Variants in HOXB7 observed in about 807,000 individuals in gnomAD.
HOXB7 encodes the protein homeobox B7.
HOXB7 carries 11 observed loss-of-function variants against 19.2 expected under a neutral mutation model. The observed-to-expected ratio is 0.57, with a 90% CI of 0.36 to 0.95. The LOEUF (loss-of-function observed/expected upper bound fraction) is 0.95, where lower values mean the gene tolerates loss of function less well. HOXB7 is among the 40% of genes least tolerant of loss of function. The pLI is 0.01. For missense variants in HOXB7, 318 were observed against 301.1 expected (o/e 1.06, Z -0.42); for synonymous variants, 141 against 130.2 (o/e 1.08, Z -0.56).
Position 48,608,022 on chromosome 17 carries a change from G to A in HOXB7, c.474C>T (p.Tyr158=), listed in dbSNP as rs2070604216. ...QTLELEKEFH[Y]NRYLTRRRRI... ...GCCGCCGCCGCGTCAGGTAGCGATT[G>A]TAGTGAAATTCTTTCTCCAGCTCCA... Residue 158 remains tyrosine, a synonymous_variant, in exon 2 of 2, where the codon TAC becomes TAT. Transcript: ENST00000239165. 3 of 1,614,214 alleles carry A rather than the reference G, an allele frequency of 1.9e-6. No homozygotes were observed. Among genetic ancestry groups the A allele is most frequent in the Non-Finnish European group, 1.7e-6 (2 of 1,180,044 alleles).
At chr17:48,609,334 G>C (rs1027390487) in intron 1 of HOXB7, among the ~76,000 whole-genome samples, 1 of 152,246 alleles carries the variant, frequency 6.6e-6, no homozygotes, top group African/African-American at 2.4e-5. Context: ...TCAGATAAAA[G>C]CCAAGCTGAA....
chr17:48,610,344 T>G (rs2070630452), intron 1 of HOXB7, among the ~76,000 whole-genome samples, 175 bp downstream of exon 1: 1 of 148,784 alleles, frequency 6.7e-6, no homozygotes, highest in Non-Finnish European at 1.5e-5. Context: ...ACCGAGCAAA[T>G]ATGGGGGCGG....
In HOXB7 at chr17:48,607,798, C is replaced by G; in HGVS notation, c.*44G>C. ...CAGTTCCCAGAGCTGGGCTTCTCTT[C>G]CTCTCCCTTTCTCATGTCTCTTCCT... On this transcript the variant is annotated 3_prime_UTR_variant, in exon 2 of 2. Coordinates refer to ENST00000239165, the MANE Select transcript of HOXB7 (RefSeq NM_004502.4). The G allele has an allele frequency of 6.1e-6, 9 of 1,471,274 alleles. No homozygotes were observed. Among genetic ancestry groups the G allele is most frequent in the Non-Finnish European group, 6.6e-6 (7 of 1,061,254 alleles). The allele number at this position is 1,471,274 out of a possible 1,614,324, so 91.1% of individuals were successfully genotyped here.
rs1022841662 is a variant in HOXB7 at position 48,607,624 on chromosome 17, T to C, written c.*218A>G. 11 of 517,852 alleles carry C rather than the reference T, an allele frequency of 2.1e-5. No individual in the cohort carries two copies. The African/African-American group carries it at 2.1e-4, about 10-fold the overall frequency. 32.1% of individuals were successfully genotyped at this position (517,852 alleles called of 1,614,324 possible). Reference sequence around the variant, plus strand: ...TGACAGACTTTCCTATAGGTAGTATTTTTTCAGTGTTGAAAAACCAAAATT... The same window carrying C: ...TGACAGACTTTCCTATAGGTAGTATCTTTTCAGTGTTGAAAAACCAAAATT... On this transcript the variant is annotated 3_prime_UTR_variant, in exon 2 of 2. Coordinates refer to ENST00000239165, the MANE Select transcript of HOXB7 (RefSeq NM_004502.4).
intron 1 of HOXB7, 135 bp downstream of exon 1, chr17:48,610,384 G>T: frequency 1.2e-6 from 1 of 832,218 alleles, no homozygotes; most frequent in Non-Finnish European, 1.7e-6. Context: ...GGCCCAGTGG[G>T]TGCAGCCTTC....
intron 1 of HOXB7, 69 bp downstream of exon 1, chr17:48,610,450 G>A: frequency 7.4e-7 from 1 of 1,349,824 alleles, no homozygotes; most frequent in Non-Finnish European, 9.6e-7. Context: ...GCCCAGCCGG[G>A]AAGGAGGCGC....
chr17:48,607,709 T>G lies in HOXB7; in HGVS notation c.*133A>C. 1 of 689,400 alleles carries G rather than the reference T, an allele frequency of 1.5e-6. No individual in the cohort carries two copies. Among genetic ancestry groups the G allele is most frequent in the East Asian group, 3.0e-5 (1 of 33,656 alleles). The allele number at this position is 689,400 out of a possible 1,614,324, so 42.7% of individuals were successfully genotyped here. On this transcript the variant is annotated 3_prime_UTR_variant, in exon 2 of 2. Coordinates refer to ENST00000239165, the MANE Select transcript of HOXB7 (RefSeq NM_004502.4). ...CTCCTTTCATTTAAATAGGGTTTTT[T>G]TTTTGTTTTTTTTGTTTTTTGTTTT... is the stretch of plus-strand genomic sequence containing the variant.
chr17:48,610,376 C>G (rs919069567), intron 1 of HOXB7, 143 bp downstream of exon 1: 3 of 705,752 alleles, frequency 4.3e-6, no homozygotes, highest in Non-Finnish European at 6.2e-6. Flanking sequence ...TGGGTCGCGG[C>G]CCAGTGGGTG....
At chr17:48,608,913 G>A (rs1313061831) in intron 1 of HOXB7, among the ~76,000 whole-genome samples, 1 of 152,230 alleles carries the variant, frequency 6.6e-6, no homozygotes, top group African/African-American at 2.4e-5. Flanking sequence ...AGACAAAGGG[G>A]CCTCAAAGGC....
rs2070597516 is a variant in HOXB7, at chr17:48,607,710, T to G, written c.*132A>C. 3 of 695,698 alleles carry G rather than the reference T, an allele frequency of 4.3e-6. No homozygotes were observed. Among genetic ancestry groups the G allele is most frequent in the Non-Finnish European group, 6.5e-6 (3 of 458,202 alleles). 43.1% of individuals were successfully genotyped at this position (695,698 alleles called of 1,614,324 possible). On this transcript the variant is annotated 3_prime_UTR_variant, in exon 2 of 2. Transcript: ENST00000239165. ...TCCTTTCATTTAAATAGGGTTTTTTTTTTGTTTTTTTTGTTTTTTGTTTTG... is the reference window on the plus strand; with the variant it reads ...TCCTTTCATTTAAATAGGGTTTTTTGTTTGTTTTTTTTGTTTTTTGTTTTG...
intron 1 of HOXB7, among the ~76,000 whole-genome samples, 186 bp downstream of exon 1, chr17:48,610,333 C>T (rs2070630291): frequency 6.6e-6 from 1 of 151,638 alleles, no homozygotes; most frequent in Non-Finnish European, 1.5e-5. Context: ...AGCCTGAGAG[C>T]ACCGAGCAAA....
chr17:48,610,910 T>G lies in HOXB7; in HGVS notation c.9A>C (p.Ser3=). The G allele has an allele frequency of 6.7e-7, 1 of 1,492,502 alleles. No individual in the cohort carries two copies. Among genetic ancestry groups the G allele is most frequent in the Non-Finnish European group, 8.9e-7 (1 of 1,120,598 alleles). The allele number at this position is 1,492,502 out of a possible 1,614,324, so 92.5% of individuals were successfully genotyped here. The change falls in exon 1 of 2, where the codon TCA becomes TCC. Residue 3 remains serine, a synonymous_variant. Transcript: ENST00000239165. The part of the protein sequence containing the change: MS[S]LYYANTLFSK... ...AAAATAAAGTATTCGCATAATACAATGAACTCATAATTTGGCCGGATGATT... is the reference window on the plus strand; with the variant it reads ...AAAATAAAGTATTCGCATAATACAAGGAACTCATAATTTGGCCGGATGATT...
At chr17:48,610,438 G>A in intron 1 of HOXB7, 81 bp downstream of exon 1, 1 of 1,331,184 alleles carries the variant, frequency 7.5e-7, no homozygotes, top group Non-Finnish European at 9.8e-7. Context: ...GCGGAAAGGG[G>A]CGCCCAGCCG....
intron 1 of HOXB7, among the ~76,000 whole-genome samples, chr17:48,610,180 A>G (rs1336579729): frequency 5.3e-5 from 8 of 152,204 alleles, no homozygotes; most frequent in Admixed American, 3.3e-4. Context: ...CTTCCTCCGC[A>G]AGACAAACGG....
intron 1 of HOXB7, 147 bp downstream of exon 1, chr17:48,610,372 G>T: frequency 3.1e-6 from 2 of 651,798 alleles, no homozygotes; most frequent in Non-Finnish European, 4.5e-6. Flanking sequence ...CTGCTGGGTC[G>T]CGGCCCAGTG....
chr17:48,607,984 G>C lies in HOXB7; in HGVS notation c.512C>G (p.Ala171Gly), dbSNP rs762648399. The change falls in exon 2 of 2, where the codon GCG (alanine) becomes GGG (glycine). Residue 171 changes from alanine to glycine, a missense_variant. Ala to Gly is a moderately conservative substitution (Grantham distance 60, BLOSUM62 0). Transcript: ENST00000239165. ...TCTTTCCGTGAGGCAGAGCGTGTGC[G>C]CGATCTCGATGCGCCGCCGCCGCGT... ...YLTRRRRIEI[A>G]HTLCLTERQI... is the part of the protein sequence containing the mutation. 7 of 1,614,124 alleles carry C rather than the reference G, an allele frequency of 4.3e-6. No individual in the cohort carries two copies. Among genetic ancestry groups the C allele is most frequent in the Non-Finnish European group, 5.9e-6 (7 of 1,180,032 alleles).
In HOXB7 at chr17:48,610,504, G is replaced by C. The variant is rs781318548; in HGVS notation, c.400+15C>G. 61 of 1,467,962 alleles carry C rather than the reference G, an allele frequency of 4.2e-5. No homozygotes were observed. The highest frequency in any genetic ancestry group is 1.2e-4 in the Admixed American group (5 of 40,726). 90.9% of individuals were successfully genotyped at this position (1,467,962 alleles called of 1,614,324 possible). On this transcript the variant is annotated intron_variant, in intron 1 of 1. Transcript: ENST00000239165. ...CGGCCCCTGGGGCTCAGGACAGCTC[G>C]GTGCGCGGCGTTACCTGAGCTTCGC...
rs959164615 is a variant in HOXB7 at position 48,610,673 on chromosome 17, C to A, written c.246G>T (p.Pro82=). The change falls in exon 1 of 2, where the codon CCG becomes CCT. Residue 82 remains proline, a synonymous_variant. Coordinates refer to ENST00000239165, the MANE Select transcript of HOXB7 (RefSeq NM_004502.4). The stretch of plus-strand genomic sequence containing the variant: ...GCGCGCAGTGCATGTTGAAGGAACT[C>A]GGCTCGAGCCCATAGCCGGCCGCGT... The part of the protein sequence containing the change: ...GVYAAGYGLE[P]SSFNMHCAPF... 6.3e-7 allele frequency: 1 copy of A among 1,576,340 alleles called. No individual in the cohort carries two copies. Among genetic ancestry groups the A allele is most frequent in the Non-Finnish European group, 8.6e-7 (1 of 1,161,750 alleles).
intron 1 of HOXB7, among the ~76,000 whole-genome samples, chr17:48,608,569 C>G (rs1307535596): frequency 6.6e-6 from 1 of 152,202 alleles, no homozygotes; most frequent in Admixed American, 6.5e-5. Context: ...ATACCCCAGC[C>G]CTTACTCCAG....
Sources: gnomAD v4.1 joint callset for allele counts (sites outside exome capture counted in the v4.1 genomes callset) on GRCh38, gnomAD v4.1.1 for gene constraint, MANE v1.5 for transcripts, NCBI Gene and HGNC (gene_info 2026-07-23, HGNC 2026-07-21) for gene names.